The following PADI2 variants were observed in gnomAD, a reference collection of about 807,000 sequenced individuals.
PADI2 encodes the protein peptidyl arginine deiminase 2.
In PADI2, 70 loss-of-function variants were observed where a neutral mutation model predicts 81.1. The ratio of observed to expected loss-of-function variants is 0.86; its 90% CI spans 0.71 to 1.05. The LOEUF is 1.05. Among genes scored for constraint, PADI2 ranks in the 50% least tolerant of loss-of-function variants. PADI2 has a pLI of 0.00. For synonymous variants in PADI2, 338 were observed against 358.0 expected (o/e 0.94, Z 0.63); for missense variants, 853 against 889.9 (o/e 0.96, Z 0.53).
In PADI2 at chr1:17,069,040, C is replaced by T. The variant is rs766663753; in HGVS notation, c.*4G>A. 9 of 1,608,498 alleles carry T rather than the reference C, an allele frequency of 5.6e-6. No individual in the cohort carries two copies. The highest frequency in any genetic ancestry group is 1.7e-5 in the Admixed American group (1 of 60,020). ...AGGAGGCAAACGCCAGGGCCCCTGG[C>T]AGGTCAGGGCACCATGTGCCACCAC... On this transcript the variant is annotated 3_prime_UTR_variant, in exon 16 of 16. Transcript: ENST00000375486.
intron 2 of PADI2, among the ~76,000 whole-genome samples, 177 bp from the exon 3 acceptor site, chr1:17,103,236 G>T (rs992852866): frequency 2.0e-5 from 3 of 152,162 alleles, no homozygotes; most frequent in Non-Finnish European, 4.4e-5. Context: ...TTTCCCTCAG[G>T]TAACTGAACT....
chr1:17,071,203 T>G (rs1372395133), intron 14 of PADI2, among the ~76,000 whole-genome samples: 1 of 152,186 alleles, frequency 6.6e-6, no homozygotes, highest in Non-Finnish European at 1.5e-5. Context: ...AATTTGGCAC[T>G]TCTTTAACCC....
At chr1:17,110,559 A>G (rs944345212) in intron 1 of PADI2, among the ~76,000 whole-genome samples, 3 of 152,150 alleles carry the variant, frequency 2.0e-5, no homozygotes, top group Non-Finnish European at 4.4e-5. Context: ...GTGCCTACCC[A>G]TACAAGAATA....
At chr1:17,097,273 G>A (rs1156376682) in intron 3 of PADI2, among the ~76,000 whole-genome samples, 2 of 152,210 alleles carry the variant, frequency 1.3e-5, no homozygotes, top group South Asian at 2.1e-4. Context: ...CCTGGCACAC[G>A]AAGTGCACTG....
At chr1:17,076,634 T>G (rs559005277) in intron 11 of PADI2, among the ~76,000 whole-genome samples, 1 of 152,010 alleles carries the variant, frequency 6.6e-6, no homozygotes, top group Non-Finnish European at 1.5e-5. Context: ...ACCAGTGCAG[T>G]GGCATGATCT....
In PADI2 at chr1:17,079,420, G is replaced by A; in HGVS notation, c.1159-5C>T. The A allele has an allele frequency of 6.2e-7, 1 of 1,612,254 alleles. No individual in the cohort carries two copies. Among genetic ancestry groups the A allele is most frequent in the Non-Finnish European group, 8.5e-7 (1 of 1,178,520 alleles). On this transcript the variant is annotated splice_region_variant and splice_polypyrimidine_tract_variant and intron_variant, in intron 10 of 15. Transcript: ENST00000375486. ...CACGTAGCCAAAATCTGGGCCCTAG[G>A]CAGAGGGCACACACCTGCGTTAGTC...
At chr1:17,116,490 A>T (rs1385058046) in intron 1 of PADI2, among the ~76,000 whole-genome samples, 1 of 152,170 alleles carries the variant, frequency 6.6e-6, no homozygotes, top group East Asian at 1.9e-4. Flanking sequence ...GTGTCCGGGC[A>T]GCAAAGGACT....
intron 3 of PADI2, among the ~76,000 whole-genome samples, chr1:17,100,854 G>A (rs1365321200): frequency 6.6e-6 from 1 of 151,070 alleles, no homozygotes; most frequent in East Asian, 2.0e-4. Context: ...TAGAGATGTG[G>A]TTTCGCCACA....
At chr1:17,117,232 T>C (rs919659990) in intron 1 of PADI2, among the ~76,000 whole-genome samples, 6 of 152,112 alleles carry the variant, frequency 3.9e-5, no homozygotes, top group African/African-American at 1.4e-4. Flanking sequence ...AAGTGTAAAA[T>C]GTGCACTGGA....
At chr1:17,118,434 C>G (rs1447124049) in intron 1 of PADI2, among the ~76,000 whole-genome samples, 1 of 152,152 alleles carries the variant, frequency 6.6e-6, no homozygotes, top group Non-Finnish European at 1.5e-5. Flanking sequence ...AAGGCCCCGT[C>G]CCATTACTCA....
At chr1:17,098,228 A>G (rs1557768598) in intron 3 of PADI2, among the ~76,000 whole-genome samples, 1 of 152,154 alleles carries the variant, frequency 6.6e-6, no homozygotes, top group East Asian at 1.9e-4. Context: ...CCCAAAGTCA[A>G]AGACACAAGA....
At chr1:17,087,416 C>T (rs1316902507) in intron 6 of PADI2, among the ~76,000 whole-genome samples, 1 of 152,228 alleles carries the variant, frequency 6.6e-6, no homozygotes, top group Non-Finnish European at 1.5e-5. Context: ...TCCCCAGAGA[C>T]AAAGCCAGGG....
chr1:17,094,896 A>G (rs1930852990), intron 4 of PADI2, among the ~76,000 whole-genome samples: 1 of 152,148 alleles, frequency 6.6e-6, no homozygotes, highest in South Asian at 2.1e-4. Flanking sequence ...TCAGAGAATG[A>G]GTGTGCAGGG....
chr1:17,093,252 C>T (rs550546235), intron 5 of PADI2, among the ~76,000 whole-genome samples: 8 of 152,118 alleles, frequency 5.3e-5, no homozygotes, highest in East Asian at 2.0e-4. Flanking sequence ...CATGCCACCA[C>T]GCTCAGCCAA....
intron 9 of PADI2, 53 bp from the exon 10 acceptor site, chr1:17,082,705 A>G: frequency 3.7e-6 from 4 of 1,070,466 alleles, no homozygotes; most frequent in Non-Finnish European, 5.6e-6. Context: ...CAATTTGTGC[A>G]CATGGGCAGA....
At chr1:17,091,392 C>A (rs1241181008) in intron 6 of PADI2, among the ~76,000 whole-genome samples, 1 of 151,744 alleles carries the variant, frequency 6.6e-6, no homozygotes, top group Non-Finnish European at 1.5e-5. Flanking sequence ...TTTTAAAACA[C>A]ATACATCATT....
intron 15 of PADI2, among the ~76,000 whole-genome samples, chr1:17,069,521 G>A (rs1557755350): frequency 6.6e-6 from 1 of 152,214 alleles, no homozygotes; most frequent in South Asian, 2.1e-4. Flanking sequence ...ATGTATATGT[G>A]GCTATATATG....
At chr1:17,103,760 G>A (rs190457499) in intron 2 of PADI2, among the ~76,000 whole-genome samples, 1 of 149,068 alleles carries the variant, frequency 6.7e-6, no homozygotes, top group African/African-American at 2.5e-5. Context: ...TTTAAATTTG[G>A]TATGGAAAAA....
At chr1:17,087,810 C>A (rs742795) in intron 6 of PADI2, among the ~76,000 whole-genome samples, 89,705 of 152,086 alleles carry the variant, frequency 0.59, 26,690 homozygotes, top group Middle Eastern at 0.63. Flanking sequence ...CCGGCCTCAT[C>A]ACAGCCTTTT....
Sources: allele counts gnomAD v4.1 joint callset (sites outside exome capture counted in the v4.1 genomes callset), GRCh38; gene constraint gnomAD v4.1.1; transcripts MANE v1.5; gene names NCBI Gene and HGNC (gene_info 2026-07-23, HGNC 2026-07-21).